WARS2: variants seen among roughly 807,000 people sequenced by gnomAD.
WARS2 encodes the protein tryptophan--tRNA ligase, mitochondrial.
WARS2 carries 28 observed loss-of-function variants against 36.5 expected under a neutral mutation model. The observed-to-expected ratio is 0.77, with a 90% CI of 0.57 to 1.05. WARS2 has a LOEUF of 1.05. Ranked by LOEUF, WARS2 falls within the 50% of genes least tolerant of loss-of-function variation. The pLI is 0.00. For missense variants in WARS2, 435 were observed against 456.8 expected (o/e 0.95, Z 0.44); for synonymous variants, 174 against 178.4 (o/e 0.98, Z 0.20).
intron 1 of WARS2, among the ~76,000 whole-genome samples, chr1:119,120,473 T>C (rs1655257694): frequency 6.6e-6 from 1 of 152,058 alleles, no homozygotes; most frequent in Non-Finnish European, 1.5e-5. Flanking sequence ...CTATCAGACA[T>C]TCAAAGAAGA....
intron 1 of WARS2, among the ~76,000 whole-genome samples, chr1:119,116,932 A>G (rs1021749268): frequency 6.6e-6 from 1 of 152,216 alleles, no homozygotes; most frequent in African/African-American, 2.4e-5. Context: ...CAGGAAGTGC[A>G]GATACAAACA....
In WARS2 at chr1:119,114,809, C is replaced by T. The variant is rs79332641; in HGVS notation, c.90+25746G>A. Among the ~76,000 whole-genome samples, 1,181 of 152,318 alleles carry T rather than the reference C, an allele frequency of 7.8e-3. 12 individuals carry two copies. Among genetic ancestry groups the T allele is most frequent in the African/African-American group, 0.027 (1,122 of 41,572 alleles). ...ATTCCTAAGTACATCCTGCAAAGAA[C>T]TAAACCAAAGCCTGTTTTATCACAG... is the stretch of plus-strand genomic sequence containing the variant. On this transcript the variant is annotated intron_variant, in intron 1 of 5. Coordinates refer to ENST00000235521, the MANE Select transcript of WARS2 (RefSeq NM_015836.4).
chr1:119,105,881 G>A (rs1160397205), intron 1 of WARS2, among the ~76,000 whole-genome samples: 5 of 152,156 alleles, frequency 3.3e-5, no homozygotes, highest in Non-Finnish European at 7.3e-5. Flanking sequence ...CTGCACTCCA[G>A]CCTAAGCAAC....
chr1:119,074,437 G>A (rs956788011), intron 2 of WARS2, among the ~76,000 whole-genome samples: 2 of 152,176 alleles, frequency 1.3e-5, no homozygotes, highest in African/African-American at 4.8e-5. Flanking sequence ...TGAATGAATG[G>A]AAACTATATG....
intron 1 of WARS2, among the ~76,000 whole-genome samples, chr1:119,086,887 T>C (rs1414169461): frequency 6.6e-6 from 1 of 151,858 alleles, no homozygotes; most frequent in Non-Finnish European, 1.5e-5. Flanking sequence ...TTCTGTAGAG[T>C]ACTCCTCTCT....
chr1:119,077,802 T>C (rs1557964603), intron 1 of WARS2, among the ~76,000 whole-genome samples: 1 of 152,178 alleles, frequency 6.6e-6, no homozygotes, highest in Non-Finnish European at 1.5e-5. Context: ...TTCCCCTGAA[T>C]TATTTTATAA....
At chr1:119,088,613 C>T (rs1652836944) in intron 1 of WARS2, among the ~76,000 whole-genome samples, 1 of 152,160 alleles carries the variant, frequency 6.6e-6, no homozygotes. Context: ...CATGCGGCAG[C>T]CACGAAGGAC....
intron 1 of WARS2, among the ~76,000 whole-genome samples, chr1:119,087,771 C>T (rs1479751098): frequency 6.6e-6 from 1 of 152,214 alleles, no homozygotes; most frequent in African/African-American, 2.4e-5. Flanking sequence ...TAAACATCCT[C>T]ATGCATTAAT....
chr1:119,114,231 A>G (rs1654823995), intron 1 of WARS2, among the ~76,000 whole-genome samples: 1 of 152,190 alleles, frequency 6.6e-6, no homozygotes, highest in Admixed American at 6.5e-5. Context: ...AGGGGATCTG[A>G]GAGCAGGTAA....
intron 1 of WARS2, among the ~76,000 whole-genome samples, chr1:119,081,942 G>A (rs1652224759): frequency 6.6e-6 from 1 of 152,042 alleles, no homozygotes; most frequent in African/African-American, 2.4e-5. Flanking sequence ...GTTAAGAAAT[G>A]CTCACTCAGC....
chr1:119,101,455 A>C (rs1329546757), intron 1 of WARS2, among the ~76,000 whole-genome samples: 1 of 152,230 alleles, frequency 6.6e-6, no homozygotes, highest in Non-Finnish European at 1.5e-5. Context: ...ATACTTATTA[A>C]ATAAATGAGT....
In WARS2 at chr1:119,057,142, T is replaced by C. The variant is rs117627651; in HGVS notation, c.349-11480A>G. Among the ~76,000 whole-genome samples, 4 of 152,176 alleles carry C rather than the reference T, an allele frequency of 2.6e-5. No individual in the cohort carries two copies. In the East Asian group the frequency reaches 7.8e-4, roughly 29 times the overall value. On this transcript the variant is annotated intron_variant, in intron 2 of 5. Coordinates refer to ENST00000235521, the MANE Select transcript of WARS2 (RefSeq NM_015836.4). ...AACTTTTCATGTGCTTATTAGCCAT[T>C]TGTTATTATTATTATCATTTTTGAG...
chr1:119,090,342 G>A (rs1331637578), intron 1 of WARS2, among the ~76,000 whole-genome samples: 1 of 152,132 alleles, frequency 6.6e-6, no homozygotes, highest in Non-Finnish European at 1.5e-5. Flanking sequence ...CACTGGCTGT[G>A]CTTCCTTGTA....
At chr1:119,073,749 T>C (rs1176958117) in intron 2 of WARS2, among the ~76,000 whole-genome samples, 1 of 152,208 alleles carries the variant, frequency 6.6e-6, no homozygotes, top group Non-Finnish European at 1.5e-5. Flanking sequence ...GGGTTACTTC[T>C]TCAATTGCTA....
At chr1:119,110,989 T>A (rs1448199083) in intron 1 of WARS2, among the ~76,000 whole-genome samples, 1 of 152,154 alleles carries the variant, frequency 6.6e-6, no homozygotes, top group African/African-American at 2.4e-5. Context: ...TTTTAAAACT[T>A]TCTTAGAATT....
intron 1 of WARS2, chr1:119,139,606 G>C (rs190137867): frequency 6.6e-6 from 1 of 152,298 alleles, no homozygotes; most frequent in East Asian, 1.9e-4. Context: ...CTACCTTCCT[G>C]TCTAGCGCTG....
chr1:119,044,683 T>G (rs144590251), intron 3 of WARS2, among the ~76,000 whole-genome samples: 79 of 152,308 alleles, frequency 5.2e-4, no homozygotes, highest in African/African-American at 1.7e-3. Flanking sequence ...GACTTCTAGC[T>G]CTGTCCACAG....
rs886763138 is a variant in WARS2 at position 119,085,580 on chromosome 1, A to G, written c.91-8973T>C. The G allele has an allele frequency of 2.5e-6, 4 of 1,582,660 alleles. No individual in the cohort carries two copies. The African/African-American group carries it at 4.1e-5, about 16-fold the overall frequency. On this transcript the variant is annotated intron_variant, in intron 1 of 5. Coordinates refer to ENST00000235521, the MANE Select transcript of WARS2 (RefSeq NM_015836.4). The stretch of plus-strand genomic sequence containing the variant: ...TCTCCTGGAGCTCTTTGGTCACATC[A>G]TCCATTTCTTCTGAGTCCTTAGGAA...
Position 119,033,100 on chromosome 1 carries a change from G to A in WARS2, c.894C>T (p.Asn298=), listed in dbSNP as rs761810791. 1.2e-6 allele frequency: 2 copies of A among 1,614,200 alleles called. No homozygotes were observed. Among genetic ancestry groups the A allele is most frequent in the East Asian group, 2.2e-5 (1 of 44,880 alleles). The part of the protein sequence containing the change: ...EEVVRRSAGM[N]TARYKLAVAD... ...CCACGGCCAGCTTGTAGCGAGCAGT[G>A]TTCATGCCCGCGCTGCGGCGCACCA... Residue 298 remains asparagine, a synonymous_variant, in exon 6 of 6, where the codon AAC becomes AAT. Transcript: ENST00000235521.
Sources: gnomAD v4.1 joint callset for allele counts (sites outside exome capture counted in the v4.1 genomes callset) on GRCh38, gnomAD v4.1.1 for gene constraint, MANE v1.5 for transcripts, NCBI Gene and HGNC (gene_info 2026-07-23, HGNC 2026-07-21) for gene names.